SLC13A3: variants seen among roughly 807,000 people sequenced by gnomAD.
SLC13A3 encodes the protein solute carrier family 13 member 3.
Under a neutral mutation model 59.0 loss-of-function variants are expected in SLC13A3, and 40 were observed. The ratio of observed to expected loss-of-function variants is 0.68; its 90% CI spans 0.53 to 0.88. The LOEUF (loss-of-function observed/expected upper bound fraction) is 0.88. SLC13A3 is among the 40% of genes least tolerant of loss of function. The probability of loss-of-function intolerance (pLI) is 0.00; values close to 1 mark genes in which losing one functional copy is unlikely to be tolerated. For missense variants in SLC13A3, 699 were observed against 783.2 expected (o/e 0.89, Z 1.28); for synonymous variants, 317 against 330.3 (o/e 0.96, Z 0.44).
chr20:46,568,938 G>A (rs551289881), intron 10 of SLC13A3, among the ~76,000 whole-genome samples: 1 of 152,160 alleles, frequency 6.6e-6, no homozygotes, highest in Admixed American at 6.5e-5. Context: ...GTTGCGTAGG[G>A]TTCTACTGGG....
intron 1 of SLC13A3, among the ~76,000 whole-genome samples, chr20:46,682,747 T>A (rs2063159465): frequency 6.6e-6 from 1 of 152,122 alleles, no homozygotes; most frequent in Admixed American, 6.5e-5. Flanking sequence ...AGGACATATT[T>A]CCTATTGCCC....
intron 3 of SLC13A3, among the ~76,000 whole-genome samples, chr20:46,600,401 A>AGGAGGAAGGAAGGAAG (rs1480440402): frequency 1.8e-4 from 27 of 148,894 alleles, no homozygotes; most frequent in East Asian, 3.9e-4. Flanking sequence ...AAAGAAAGAA[A>AGGAGGAAGGAAGGAAG]GAAAGGAGGA....
At chr20:46,599,932 C>T in intron 4 of SLC13A3, 39 bp downstream of exon 4, 1 of 1,444,958 alleles carries the variant, frequency 6.9e-7, no homozygotes, top group Non-Finnish European at 9.4e-7. Flanking sequence ...CTCCTTGAAT[C>T]AAGCACTGGG....
chr20:46,580,654 ATAGGACCTTCCCTGAGGTCACC>A (rs1262437593), intron 9 of SLC13A3, among the ~76,000 whole-genome samples: 1 of 152,238 alleles, frequency 6.6e-6, no homozygotes, highest in East Asian at 1.9e-4. Context: ...CTCAGACAAT[ATAGGACCTTCCCTGAGGTCACC>A]CAGAAAATTA....
At chr20:46,585,145 TA>T (rs1160945737) in intron 8 of SLC13A3, 45 of 978,878 alleles carry the variant, frequency 4.6e-5, no homozygotes, top group East Asian at 1.1e-4. Context: ...AAAATAAAAT[TA>T]AAAAAAAAGA....
At chr20:46,594,509 C>T (rs931504431) in intron 5 of SLC13A3, among the ~76,000 whole-genome samples, 1 of 151,962 alleles carries the variant, frequency 6.6e-6, no homozygotes, top group Non-Finnish European at 1.5e-5. Context: ...CTGGCAAACC[C>T]TCATACCAAA....
intron 5 of SLC13A3, among the ~76,000 whole-genome samples, chr20:46,594,047 C>T (rs2062285135): frequency 6.6e-6 from 1 of 152,076 alleles, no homozygotes; most frequent in East Asian, 1.9e-4. Flanking sequence ...TCTCCCCAGG[C>T]TTCTCCTGTT....
At chr20:46,619,842 G>A (rs943678356) in intron 1 of SLC13A3, among the ~76,000 whole-genome samples, 6 of 152,116 alleles carry the variant, frequency 3.9e-5, no homozygotes, top group African/African-American at 7.2e-5. Flanking sequence ...CACAGCACTC[G>A]GTTCACAGAA....
At chr20:46,585,632 G>C in intron 8 of SLC13A3, 2 of 1,270,660 alleles carry the variant, frequency 1.6e-6, no homozygotes, top group Middle Eastern at 2.2e-4. Context: ...ACAGTTCTCA[G>C]ATAGGCATTG....
In SLC13A3 at chr20:46,676,733, T is replaced by C. The variant is rs536161191; in HGVS notation, c.-31+7663A>G. Among the ~76,000 whole-genome samples the C allele has an allele frequency of 1.8e-3, 278 of 151,862 alleles. 1 individual carries two copies. Among genetic ancestry groups the C allele is most frequent in the Admixed American group, 5.0e-3 (76 of 15,268 alleles). On this transcript the variant is annotated intron_variant, in intron 1 of 6. Coordinates refer to the SLC13A3 transcript ENST00000372121. ...TCCCCAGTCGCTGGGACTACAGGCA[T>C]GCACCACCTTGCCTGGCAGATCTGA... is the stretch of plus-strand genomic sequence containing the variant.
intron 9 of SLC13A3, among the ~76,000 whole-genome samples, chr20:46,578,579 G>C (rs977097625): frequency 6.6e-6 from 1 of 152,062 alleles, no homozygotes; most frequent in Non-Finnish European, 1.5e-5. Context: ...GGGAGGTTGA[G>C]GCATGAGAAT....
Position 46,589,145 on chromosome 20 carries a change from AG to A in SLC13A3, c.1016+14del. On this transcript the variant is annotated intron_variant, in intron 7 of 12. Coordinates refer to ENST00000279027, the MANE Select transcript of SLC13A3 (RefSeq NM_022829.6). ...AATACTCAGCTCTTTCCTTAACCCAAGGGCCCCCACATACTTGATGGGCCCC... is the reference window on the plus strand; with the variant it reads ...AATACTCAGCTCTTTCCTTAACCCAAGGCCCCCACATACTTGATGGGCCCC... 1 of 1,609,030 alleles carries A rather than the reference AG, an allele frequency of 6.2e-7. No homozygotes were observed. The highest frequency in any genetic ancestry group is 8.5e-7 in the Non-Finnish European group (1 of 1,175,538).
At chr20:46,616,965 G>C (rs550051235) in intron 1 of SLC13A3, among the ~76,000 whole-genome samples, 1 of 152,340 alleles carries the variant, frequency 6.6e-6, no homozygotes, top group Admixed American at 6.5e-5. Flanking sequence ...TACAAAAGCA[G>C]CATGAAACTC....
intron 9 of SLC13A3, among the ~76,000 whole-genome samples, chr20:46,577,931 A>T (rs376438): frequency 0.79 from 119,990 of 152,194 alleles, 47,473 homozygotes; most frequent in East Asian, 0.88. Flanking sequence ...AAATGGTCCC[A>T]CTGTGCAAAG....
At chr20:46,565,283 G>A (rs1485959459) in intron 11 of SLC13A3, among the ~76,000 whole-genome samples, 1 of 152,268 alleles carries the variant, frequency 6.6e-6, no homozygotes, top group East Asian at 1.9e-4. Context: ...TGGGGCCAGG[G>A]TTTTGCTAGC....
upstream of SLC13A3, among the ~76,000 whole-genome samples, chr20:46,675,023 G>A (rs1171482514): frequency 2.0e-5 from 3 of 152,094 alleles, no homozygotes; most frequent in African/African-American, 2.4e-5. Context: ...GCCATGTGGC[G>A]ATCAGTGGGA....
At chr20:46,598,010 TTTTA>T (rs1454218169) in intron 4 of SLC13A3, among the ~76,000 whole-genome samples, 23 of 152,154 alleles carry the variant, frequency 1.5e-4, no homozygotes, top group African/African-American at 5.3e-4. Context: ...TATATATAAT[TTTTA>T]TTTGTCAATT....
intron 10 of SLC13A3, chr20:46,566,599 C>G (rs2061983231): frequency 2.0e-6 from 1 of 496,152 alleles, no homozygotes; most frequent in Admixed American, 3.8e-5. Context: ...TCTCGAACTG[C>G]TCTCCACTCT....
At chr20:46,622,926 T>C (rs1259376890) in intron 1 of SLC13A3, among the ~76,000 whole-genome samples, 1 of 152,152 alleles carries the variant, frequency 6.6e-6, no homozygotes, top group African/African-American at 2.4e-5. Flanking sequence ...AATTAAAAAG[T>C]TGAATATTTC....
Sources: gnomAD v4.1 joint callset for allele counts (sites outside exome capture counted in the v4.1 genomes callset) on GRCh38, gnomAD v4.1.1 for gene constraint, MANE v1.5 for transcripts, NCBI Gene and HGNC (gene_info 2026-07-23, HGNC 2026-07-21) for gene names.